Variants in BCL11B observed in about 807,000 individuals in gnomAD.
BCL11B encodes B-cell lymphoma/leukemia 11B.
Under a neutral mutation model 49.9 loss-of-function variants are expected in BCL11B, and 8 were observed. The observed-to-expected ratio is 0.16, with a 90% CI of 0.09 to 0.29. The LOEUF (loss-of-function observed/expected upper bound fraction) is 0.29, where lower values mean the gene tolerates loss of function less well. BCL11B is among the 10% of genes least tolerant of loss of function. The pLI is 1.00. For missense variants in BCL11B, 1,006 were observed against 1,351.0 expected (o/e 0.74, Z 4.00); for synonymous variants, 739 against 637.4 (o/e 1.16, Z -2.40).
At position 99,175,090 on chromosome 14, in the gene BCL11B, G is replaced by A; in HGVS notation, c.1746C>T (p.Gly582=). The change falls in exon 4 of 4, where the codon GGC becomes GGT. Residue 582 remains glycine (G), a synonymous_variant. Coordinates refer to ENST00000357195, the MANE Select transcript of BCL11B (RefSeq NM_138576.4). ...GVPGVPGAGG[G]AAKALADEKA... is the part of the protein sequence containing the mutation. ...TCTCGTCAGCCAGCGCCTTGGCCGC[G>A]CCGCCCCCCGCGCCCGGGACCCCGG... 1.3e-6 allele frequency: 2 copies of A among 1,599,046 alleles called. No individual in the cohort carries two copies. The highest frequency in any genetic ancestry group is 1.7e-4 in the Middle Eastern group (1 of 6,040).
intron 3 of BCL11B, among the ~76,000 whole-genome samples, chr14:99,222,167 G>A (rs1452423719): frequency 6.6e-6 from 1 of 152,146 alleles, no homozygotes; most frequent in Non-Finnish European, 1.5e-5. Flanking sequence ...GAAAAGTCAA[G>A]TACATTTTGT....
intron 3 of BCL11B, among the ~76,000 whole-genome samples, chr14:99,200,096 A>AG (rs1887331227): frequency 1.3e-5 from 2 of 151,512 alleles, no homozygotes; most frequent in African/African-American, 4.8e-5. Context: ...CACCACAGAC[A>AG]GGGACTCTCG....
At chr14:99,230,109 G>C (rs963370642) in intron 3 of BCL11B, among the ~76,000 whole-genome samples, 1 of 152,146 alleles carries the variant, frequency 6.6e-6, no homozygotes, top group Non-Finnish European at 1.5e-5. Context: ...AGCAGGGAGG[G>C]TACACTAAAG....
At chr14:99,181,068 T>G (rs1886686085) in intron 3 of BCL11B, among the ~76,000 whole-genome samples, 2 of 152,208 alleles carry the variant, frequency 1.3e-5, no homozygotes, top group African/African-American at 4.8e-5. Context: ...TTGAAATTAT[T>G]ATCCAATGAA....
chr14:99,239,669 A>C (rs1888606177), intron 2 of BCL11B, among the ~76,000 whole-genome samples: 1 of 152,162 alleles, frequency 6.6e-6, no homozygotes, highest in African/African-American at 2.4e-5. Context: ...CTCAGCATCC[A>C]CTGTGCCTGA....
chr14:99,264,703 T>C (rs55772640), intron 1 of BCL11B: 9,982 of 152,266 alleles, frequency 0.066, 450 homozygotes, highest in Non-Finnish European at 0.099. Flanking sequence ...ATCCCGTGAA[T>C]GTGGCACCAT....
chr14:99,221,687 G>A (rs550033652), intron 3 of BCL11B, among the ~76,000 whole-genome samples: 4 of 152,372 alleles, frequency 2.6e-5, no homozygotes, highest in East Asian at 1.9e-4. Context: ...CACCAGACGC[G>A]CAAGGAAAGC....
intron 3 of BCL11B, among the ~76,000 whole-genome samples, chr14:99,225,858 T>C (rs1888144211): frequency 6.6e-6 from 1 of 152,190 alleles, no homozygotes; most frequent in South Asian, 2.1e-4. Context: ...GCCTCTTTTA[T>C]CTAAGGACAG....
At chr14:99,235,017 T>G (rs1888451748) in intron 2 of BCL11B, among the ~76,000 whole-genome samples, 1 of 152,166 alleles carries the variant, frequency 6.6e-6, no homozygotes. Context: ...TAGAGGGACT[T>G]TGCAGAGGCT....
At chr14:99,210,959 G>A (rs781484998) in intron 3 of BCL11B, among the ~76,000 whole-genome samples, 2 of 152,058 alleles carry the variant, frequency 1.3e-5, no homozygotes, top group African/African-American at 2.4e-5. Flanking sequence ...CTCTACCAAC[G>A]ATGACAATGA....
chr14:99,221,627 G>A (rs980821705), intron 3 of BCL11B, among the ~76,000 whole-genome samples: 9 of 152,260 alleles, frequency 5.9e-5, no homozygotes, highest in Non-Finnish European at 8.8e-5. Context: ...GGATGCCCAC[G>A]TGGGCCCCAG....
Position 99,175,279 on chromosome 14 carries a change from G to A in BCL11B, c.1557C>T (p.His519=), listed in dbSNP as rs1173999695. Residue 519 remains histidine, a synonymous_variant, in exon 4 of 4, where the codon CAC becomes CAT. Transcript: ENST00000357195. ...GGCCCAGCGACGGGTCGCTCTCGTG[G>A]TGGCGGAAGTCACCGTCGGCCGCCT... The part of the protein sequence containing the change: ...GLKAADGDFR[H]HESDPSLGHE... 1 of 1,541,298 alleles carries A rather than the reference G, an allele frequency of 6.5e-7. No individual in the cohort carries two copies. The highest frequency in any genetic ancestry group is 8.7e-7 in the Non-Finnish European group (1 of 1,148,234).
intron 3 of BCL11B, among the ~76,000 whole-genome samples, chr14:99,216,699 T>G (rs1284399153): frequency 6.6e-6 from 1 of 152,086 alleles, no homozygotes. Flanking sequence ...AGAAAAATAA[T>G]CACAAGTGCC....
intron 3 of BCL11B, among the ~76,000 whole-genome samples, chr14:99,187,450 G>C (rs953310201): frequency 5.3e-5 from 8 of 152,228 alleles, no homozygotes; most frequent in African/African-American, 1.9e-4. Flanking sequence ...TCCCTGAAAA[G>C]GGCCTACGCT....
At chr14:99,203,913 A>AC (rs148280853) in intron 3 of BCL11B, among the ~76,000 whole-genome samples, 27,268 of 151,664 alleles carry the variant, frequency 0.18, 3,703 homozygotes, top group East Asian at 0.36. Flanking sequence ...GCGCCCCTGA[A>AC]CCCCCCGCTC....
Position 99,176,082 on chromosome 14 carries a change from G to T in BCL11B, c.754C>A (p.Pro252Thr). The part of the protein sequence containing the change: ...NTHGFRIYLE[P>T]GPASSSLTPR... ...GTGAGCGAGCTGCTGGCCGGCCCGG[G>T]CTCCAGGTAGATGCGGAAGCCGTGC... The change falls in exon 4 of 4, where the codon CCC (proline) becomes ACC (threonine). Residue 252 changes from proline to threonine, a missense_variant. By Grantham distance (38) the Pro-to-Thr change is conservative. Around this residue, in one of 6 missense-constraint regions of BCL11B, gnomAD observed 411 missense variants for 542.2 expected, o/e 0.76. Transcript: ENST00000357195. 1.2e-6 allele frequency: 2 copies of T among 1,607,776 alleles called. No homozygotes were observed. The highest frequency in any genetic ancestry group is 1.7e-6 in the Non-Finnish European group (2 of 1,177,030).
chr14:99,192,035 C>T lies in BCL11B; in HGVS notation c.641-15840G>A, dbSNP rs753062090. Among the ~76,000 whole-genome samples the T allele has an allele frequency of 1.1e-4, 17 of 152,048 alleles. No homozygotes were observed. Among genetic ancestry groups the T allele is most frequent in the Admixed American group, 7.2e-4 (11 of 15,272 alleles). ...TTACATAAAAAGTACAATTAAGGGA[C>T]GCTCAGAATCCCGAGGCCTTCAAGA... is the stretch of plus-strand genomic sequence containing the variant. On this transcript the variant is annotated intron_variant, in intron 3 of 3. Coordinates refer to ENST00000357195, the MANE Select transcript of BCL11B (RefSeq NM_138576.4). The surrounding 1 kb of genome is among the most constrained non-coding windows in gnomAD (Gnocchi z 4.0).
intron 1 of BCL11B, among the ~76,000 whole-genome samples, chr14:99,266,540 G>T (rs1483636370): frequency 6.6e-6 from 1 of 152,226 alleles, no homozygotes; most frequent in Non-Finnish European, 1.5e-5. Context: ...GTAAATCAAT[G>T]GCGATAGCTT....
Position 99,171,868 on chromosome 14 carries a change from T to C in BCL11B, c.*2283A>G, listed in dbSNP as rs916916174. 9.8e-6 allele frequency: 2 copies of C among 204,310 alleles called. No individual in the cohort carries two copies. Among genetic ancestry groups the C allele is most frequent in the South Asian group, 1.9e-4 (1 of 5,268 alleles). The allele number at this position is 204,310 out of a possible 1,614,324, so 12.7% of individuals were successfully genotyped here. ...TCAAGGAAAAGAAAAGGGTATTTTT[T>C]TTCTTGTTTTGTAAAATGCCCAGGC... On this transcript the variant is annotated 3_prime_UTR_variant, in exon 4 of 4. Coordinates refer to ENST00000357195, the MANE Select transcript of BCL11B (RefSeq NM_138576.4).
Sources: allele counts gnomAD v4.1 joint callset (sites outside exome capture counted in the v4.1 genomes callset), GRCh38; gene constraint gnomAD v4.1.1; regional missense constraint gnomAD v4.1.1; non-coding constraint Gnocchi (gnomAD v3.1); transcripts MANE v1.5; gene names NCBI Gene and HGNC (gene_info 2026-07-23, HGNC 2026-07-21).